The following MARK3 variants were observed in gnomAD, a reference collection of about 807,000 sequenced individuals.
MARK3 encodes the protein microtubule affinity regulating kinase 3, also known as MAP/microtubule affinity-regulating kinase 3.
In MARK3, 46 loss-of-function variants were observed where a neutral mutation model predicts 90.1. The observed-to-expected ratio is 0.51, with a 90% CI of 0.40 to 0.65. The LOEUF (loss-of-function observed/expected upper bound fraction) is 0.65. Ranked by LOEUF, MARK3 falls within the 30% of genes least tolerant of loss-of-function variation. The pLI, the probability that MARK3 is intolerant of heterozygous loss-of-function variation, is 0.00. For synonymous variants in MARK3, 321 were observed against 332.6 expected (o/e 0.97, Z 0.38); for missense variants, 818 against 947.2 (o/e 0.86, Z 1.79).
chr14:103,406,052 G>A lies in MARK3; in HGVS notation c.243+785G>A, dbSNP rs115850078. Among the ~76,000 whole-genome samples, 160 of 151,594 alleles carry A rather than the reference G, an allele frequency of 1.1e-3. 2 individuals are homozygous for A. The highest frequency in any genetic ancestry group is 3.5e-3 in the African/African-American group (143 of 41,284). On this transcript the variant is annotated intron_variant, in intron 2 of 17. Coordinates refer to ENST00000429436, the MANE Select transcript of MARK3 (RefSeq NM_001128918.3). ...ACTACAGGCATGCACTGCCACACCCGGCTAATGTTTAAAAAATTTTTTTGT... is the reference window on the plus strand; with the variant it reads ...ACTACAGGCATGCACTGCCACACCCAGCTAATGTTTAAAAAATTTTTTTGT...
chr14:103,458,579 A>AT (rs2093330517), intron 6 of MARK3: 5 of 461,038 alleles, frequency 1.1e-5, no homozygotes, highest in Admixed American at 4.0e-5. Context: ...AGAGGCCATA[A>AT]TTTGCCAACC....
At chr14:103,390,020 G>T (rs1365457190) in intron 1 of MARK3, among the ~76,000 whole-genome samples, 1 of 151,020 alleles carries the variant, frequency 6.6e-6, no homozygotes, top group Non-Finnish European at 1.5e-5. Context: ...AGGCCGAGGC[G>T]GGCAGATCAC....
rs758410663 is a variant in MARK3, at chr14:103,480,379, T to C, written c.1483-8T>C. On this transcript the variant is annotated splice_region_variant and splice_polypyrimidine_tract_variant and intron_variant, in intron 13 of 17. Coordinates refer to ENST00000429436, the MANE Select transcript of MARK3 (RefSeq NM_001128918.3). ...ATAAATTTAAGACAAAAATGCCCTT[T>C]TTTATAGAGTAACACAGCATCTGGT... 3.5e-5 allele frequency: 56 copies of C among 1,589,180 alleles called. No individual in the cohort carries two copies. The highest frequency in any genetic ancestry group is 5.1e-5 in the Admixed American group (3 of 58,302).
chr14:103,432,342 A>G (rs532668060), intron 3 of MARK3, among the ~76,000 whole-genome samples: 1 of 152,204 alleles, frequency 6.6e-6, no homozygotes, highest in Non-Finnish European at 1.5e-5. Context: ...TATGCAAAAT[A>G]CCCAGTAGGA....
At chr14:103,496,145 T>C (rs1289004724) in intron 15 of MARK3, among the ~76,000 whole-genome samples, 2 of 152,226 alleles carry the variant, frequency 1.3e-5, no homozygotes, top group Non-Finnish European at 2.9e-5. Flanking sequence ...GCCCTCAGGT[T>C]GATCCATGTT....
intron 2 of MARK3, among the ~76,000 whole-genome samples, chr14:103,424,732 G>T (rs1566818322): frequency 6.6e-6 from 1 of 152,122 alleles, no homozygotes; most frequent in South Asian, 2.1e-4. Flanking sequence ...CCAGAAAAGA[G>T]TGTGTATGTC....
At chr14:103,445,403 A>G (rs2092969508) in intron 3 of MARK3, among the ~76,000 whole-genome samples, 2 of 152,212 alleles carry the variant, frequency 1.3e-5, no homozygotes, top group Non-Finnish European at 2.9e-5. Flanking sequence ...AAGCTTATTT[A>G]CACATTTGCT....
rs867682269 is a variant in MARK3, at chr14:103,451,800, A to G, written c.347-118A>G. On this transcript the variant is annotated intron_variant, in intron 4 of 17. Coordinates refer to ENST00000429436, the MANE Select transcript of MARK3 (RefSeq NM_001128918.3). ...CCCTAAAAGCATTTTTTAGAGGGCCAGCTATTAAAATCTTTAACAGGGAAA... is the reference window on the plus strand; with the variant it reads ...CCCTAAAAGCATTTTTTAGAGGGCCGGCTATTAAAATCTTTAACAGGGAAA... 138 of 643,936 alleles carry G rather than the reference A, an allele frequency of 2.1e-4. 3 individuals carry two copies. In the Middle Eastern group the frequency reaches 7.7e-3, roughly 36 times the overall value. 39.9% of individuals were successfully genotyped at this position (643,936 alleles called of 1,614,324 possible). A position where few individuals can be genotyped will look rare whatever the true frequency, so the allele number is the denominator to read the frequency against.
In MARK3 at chr14:103,390,372, CTATT is replaced by C. The variant is rs1374743061; in HGVS notation, c.51+4295_51+4298del. Among the ~76,000 whole-genome samples the C allele has an allele frequency of 2.6e-5, 4 of 152,340 alleles. No homozygotes were observed. In the East Asian group the frequency reaches 5.8e-4, roughly 22 times the overall value. On this transcript the variant is annotated intron_variant, in intron 1 of 17. Transcript: ENST00000429436. ...GCTAGTAATGACAGAAGACCACTAACTATTTAGTAGCAAAGCCTCTACTGGGCCC... is the reference window on the plus strand; with the variant it reads ...GCTAGTAATGACAGAAGACCACTAACTAGTAGCAAAGCCTCTACTGGGCCC...
rs1272786102 is a variant in MARK3, at chr14:103,491,757, C to CT, written c.1587-18dup. 2 of 1,610,624 alleles carry CT rather than the reference C, an allele frequency of 1.2e-6. No homozygotes were observed. The highest frequency in any genetic ancestry group is 2.2e-5 in the South Asian group (2 of 90,992). On this transcript the variant is annotated intron_variant, in intron 14 of 17. Coordinates refer to ENST00000429436, the MANE Select transcript of MARK3 (RefSeq NM_001128918.3). ...TTTGTATATCATGTTCTGAGAGCTT[C>CT]TTACTTTCTGATCTCATAGCACTAT...
chr14:103,500,961 G>C (rs1357970989), intron 17 of MARK3, among the ~76,000 whole-genome samples: 2 of 152,106 alleles, frequency 1.3e-5, no homozygotes, highest in African/African-American at 4.8e-5. Flanking sequence ...GCATGGATTT[G>C]AGGGGAGGCA....
intron 15 of MARK3, among the ~76,000 whole-genome samples, chr14:103,494,653 T>C (rs10149860): frequency 0.028 from 4,330 of 152,078 alleles, 221 homozygotes; most frequent in African/African-American, 0.099. Context: ...TCTTTTTTTT[T>C]CCCCACAGAG....
intron 5 of MARK3, among the ~76,000 whole-genome samples, chr14:103,454,193 A>G (rs1338677193): frequency 7.2e-5 from 11 of 152,000 alleles, no homozygotes; most frequent in Admixed American, 7.2e-4. Context: ...TGCACTTGGC[A>G]ACATTGTAAG....
intron 2 of MARK3, among the ~76,000 whole-genome samples, chr14:103,427,497 C>CCAAAA (rs561874690): frequency 9.0e-6 from 1 of 110,818 alleles, no homozygotes; most frequent in Non-Finnish European, 1.8e-5. Context: ...GAGACTGTTT[C>CCAAAA]AAAAAAAAAA....
intron 12 of MARK3, among the ~76,000 whole-genome samples, chr14:103,472,209 C>CA (rs35696641): frequency 0.61 from 59,171 of 96,640 alleles, 18,675 homozygotes; most frequent in Middle Eastern, 0.74. Context: ...GACTCCGTCT[C>CA]AAAAAAAAAA....
At chr14:103,408,109 A>G (rs763972451) in intron 2 of MARK3, among the ~76,000 whole-genome samples, 1 of 152,184 alleles carries the variant, frequency 6.6e-6, no homozygotes, top group Non-Finnish European at 1.5e-5. Context: ...GGAAGATGAC[A>G]GAACTTAACA....
intron 6 of MARK3, among the ~76,000 whole-genome samples, chr14:103,458,431 C>T (rs563753837): frequency 3.1e-5 from 4 of 130,382 alleles, no homozygotes; most frequent in African/African-American, 1.1e-4. Context: ...TGCACTTCAG[C>T]CTGGGTGACA....
intron 14 of MARK3, chr14:103,491,154 T>G: frequency 8.3e-7 from 1 of 1,198,284 alleles, no homozygotes; most frequent in African/African-American, 1.6e-5. Flanking sequence ...TACCCACTGC[T>G]TCTTAATTTT....
At position 103,475,216 on chromosome 14, in the gene MARK3, T is replaced by A; in HGVS notation, c.1482+6T>A. On this transcript the variant is annotated splice_donor_region_variant and intron_variant, in intron 13 of 17. Transcript: ENST00000429436. Reference sequence around the variant, plus strand: ...AAAGCTCCACTGTCCCTAGTGTAAGTGTTGTTGAACTATAGAGTGGTCTTA... The same window carrying A: ...AAAGCTCCACTGTCCCTAGTGTAAGAGTTGTTGAACTATAGAGTGGTCTTA... The A allele has an allele frequency of 6.2e-7, 1 of 1,612,240 alleles. No homozygotes were observed.
Sources: allele counts gnomAD v4.1 joint callset (sites outside exome capture counted in the v4.1 genomes callset), GRCh38; gene constraint gnomAD v4.1.1; transcripts MANE v1.5; gene names NCBI Gene and HGNC (gene_info 2026-07-23, HGNC 2026-07-21).